The following TANC2 variants were observed in gnomAD, a reference collection of about 807,000 sequenced individuals.
TANC2 encodes the protein tetratricopeptide repeat, ankyrin repeat and coiled-coil containing 2, also known as protein TANC2.
Under a neutral mutation model 210.5 loss-of-function variants are expected in TANC2, and 26 were observed. That is an observed-to-expected ratio of 0.12 (90% confidence interval 0.09 to 0.17). The LOEUF is 0.17. Ranked by LOEUF, TANC2 falls within the 10% of genes least tolerant of loss-of-function variation. The probability of loss-of-function intolerance (pLI) is 1.00; values close to 1 mark genes in which losing one functional copy is unlikely to be tolerated. For synonymous variants in TANC2, 931 were observed against 967.1 expected (o/e 0.96, Z 0.69); for missense variants, 2,129 against 2,608.9 (o/e 0.82, Z 4.01).
chr17:63,193,784 C>T lies in TANC2; in HGVS notation c.434-207C>T, dbSNP rs1434321533. ...TTTATAATCATTTTGAGTTCCCTGG[C>T]TCATTTTTATTTGATTCGTGTAAAT... On this transcript the variant is annotated intron_variant, in intron 5 of 27. Coordinates refer to ENST00000689528, the Ensembl canonical transcript of TANC2. 3 of 485,758 alleles carry T rather than the reference C, an allele frequency of 6.2e-6. No individual in the cohort carries two copies. The East Asian group carries it at 1.1e-4, about 18-fold the overall frequency. The allele number at this position is 485,758 out of a possible 1,614,324, so 30.1% of individuals were successfully genotyped here.
intron 4 of TANC2, among the ~76,000 whole-genome samples, chr17:63,114,293 T>C (rs530573705): frequency 1.3e-5 from 2 of 152,294 alleles, no homozygotes; most frequent in Admixed American, 1.3e-4. Context: ...TTACATATCA[T>C]TCACGACATT....
Position 63,421,046 on chromosome 17 carries a change from G to C in TANC2, c.5316G>C (p.Gln1772His). ...GCCTGAGTGCAGGCGCCATCTGTCAGCATGGAGGATTGACCAAAGAGGATC... is the reference window on the plus strand; with the variant it reads ...GCCTGAGTGCAGGCGCCATCTGTCACCATGGAGGATTGACCAAAGAGGATC... The change falls in exon 28 of 28, where the codon CAG becomes CAC. Residue 1772 changes from glutamine (Q) to histidine (H), a missense_variant. Around this residue, in one of 5 missense-constraint regions of TANC2, gnomAD observed 584 missense variants for 627.3 expected, o/e 0.93. Transcript: ENST00000689528. This position sits in a 1 kb window ranked among gnomAD's most constrained non-coding sequence, Gnocchi z 6.9. 6.2e-7 allele frequency: 1 copy of C among 1,614,018 alleles called. No homozygotes were observed. Among genetic ancestry groups the C allele is most frequent in the Non-Finnish European group, 8.5e-7 (1 of 1,179,882 alleles).
rs1568281736 is a variant in TANC2, at chr17:62,966,960, T to C, written c.-24+211T>C. 6.6e-6 allele frequency: 1 copy of C among 152,282 alleles called. No individual in the cohort carries two copies. The highest frequency in any genetic ancestry group is 1.9e-4 in the East Asian group (1 of 5,160). 9.4% of individuals were successfully genotyped at this position (152,282 alleles called of 1,614,324 possible). A position where few individuals can be genotyped will look rare whatever the true frequency, so the allele number is the denominator to read the frequency against. ...GAGGCGTGTGGGGTCGCCACTTGGC[T>C]GTCACCGAAGATGTCATGGAATTTG... is the stretch of plus-strand genomic sequence containing the variant. On this transcript the variant is annotated intron_variant, in intron 1 of 27. Transcript: ENST00000689528. This position sits in a 1 kb window ranked among gnomAD's most constrained non-coding sequence, Gnocchi z 5.1.
rs761109189 is a variant in TANC2 at position 63,421,781 on chromosome 17, C to T, written c.6051C>T (p.Asp2017=). 18 of 1,613,872 alleles carry T rather than the reference C, an allele frequency of 1.1e-5. No homozygotes were observed. The highest frequency in any genetic ancestry group is 1.4e-5 in the Non-Finnish European group (16 of 1,179,890). ...TGCTGGCTAACGGGTCTCGTGGAGA[C>T]CTCTTGGAGCGAGTCAGCCAGGCCT... The change falls in exon 28 of 28, where the codon GAC becomes GAT. Residue 2017 remains aspartate, a synonymous_variant. Coordinates refer to ENST00000689528, the Ensembl canonical transcript of TANC2. This position sits in a 1 kb window ranked among gnomAD's most constrained non-coding sequence, Gnocchi z 6.9.
intron 1 of TANC2, among the ~76,000 whole-genome samples, chr17:63,002,881 T>C (rs769954358): frequency 6.6e-6 from 1 of 152,240 alleles, no homozygotes; most frequent in Non-Finnish European, 1.5e-5. Context: ...TATTCGTCTG[T>C]TGATGGACAC....
At chr17:63,402,621 T>C (rs1256202291) in intron 19 of TANC2, among the ~76,000 whole-genome samples, 1 of 152,198 alleles carries the variant, frequency 6.6e-6, no homozygotes, top group Non-Finnish European at 1.5e-5. Flanking sequence ...TCTGGCTGTT[T>C]CCCCAACTCT....
chr17:63,093,114 AT>A (rs2037264645), intron 3 of TANC2, among the ~76,000 whole-genome samples: 1 of 152,098 alleles, frequency 6.6e-6, no homozygotes, highest in South Asian at 2.1e-4. Flanking sequence ...GTTTTTTAAT[AT>A]GGTTCATCTT....
rs1043983448 is a variant in TANC2, at chr17:63,418,615, C to A, written c.4268+208C>A. ...GGCTGTGGAGGCCACGAATGTTTCA[C>A]TTCGGGAGAAAAACACTTTTTCACT... On this transcript the variant is annotated intron_variant, in intron 27 of 27. Transcript: ENST00000689528. The surrounding 1 kb of genome is among the most constrained non-coding windows in gnomAD (Gnocchi z 4.6). Among the ~76,000 whole-genome samples the A allele has an allele frequency of 6.6e-6, 1 of 152,226 alleles. No homozygotes were observed. Among genetic ancestry groups the A allele is most frequent in the Non-Finnish European group, 1.5e-5 (1 of 68,040 alleles).
chr17:63,268,121 T>C (rs192324692), intron 9 of TANC2, among the ~76,000 whole-genome samples: 156 of 152,310 alleles, frequency 1.0e-3, no homozygotes, highest in East Asian at 7.1e-3. Context: ...CTCGAAATTC[T>C]GAAAGAAAAC....
chr17:63,398,973 T>C (rs1341015257), intron 19 of TANC2, 59 bp downstream of exon 19: 3 of 1,271,952 alleles, frequency 2.4e-6, no homozygotes, highest in Non-Finnish European at 3.3e-6. Context: ...CTCTCGAATC[T>C]CACCCCCTTA....
rs538205383 is a variant in TANC2, at chr17:63,423,608, GGTAAGTAA to G, written c.*1668_*1675del. The stretch of plus-strand genomic sequence containing the variant: ...TGGCTGCGACCAGTCCCATGTGTCT[GGTAAGTAA>G]GTAAGTAAGTAAGTGCCCTTTGAAG... On this transcript the variant is annotated 3_prime_UTR_variant, in exon 28 of 28. Transcript: ENST00000689528. The G allele has an allele frequency of 3.9e-5, 6 of 152,276 alleles. No homozygotes were observed. The South Asian group carries it at 8.3e-4, about 21-fold the overall frequency. The allele number at this position is 152,276 out of a possible 1,614,324, so 9.4% of individuals were successfully genotyped here.
chr17:63,249,825 T>C (rs560566733), intron 8 of TANC2, among the ~76,000 whole-genome samples: 6 of 152,262 alleles, frequency 3.9e-5, no homozygotes, highest in Admixed American at 2.6e-4. Flanking sequence ...TCATTCCAGG[T>C]TCCTTGCTCA....
At chr17:63,255,622 A>G (rs1469224312) in intron 8 of TANC2, among the ~76,000 whole-genome samples, 1 of 152,126 alleles carries the variant, frequency 6.6e-6, no homozygotes, top group African/African-American at 2.4e-5. Flanking sequence ...AGTAGTCTCT[A>G]ATGATCCTTT....
At chr17:63,395,979 C>T in intron 18 of TANC2, 51 bp downstream of exon 18, 2 of 1,491,000 alleles carry the variant, frequency 1.3e-6, no homozygotes, top group Non-Finnish European at 1.8e-6. Context: ...TTGAAGGACC[C>T]AGGAAACCAG....
In TANC2 at chr17:63,364,812, G is replaced by A. The variant is rs181338922; in HGVS notation, c.2582+9422G>A. ...TAAAAAAAAAAAAAATTACAGAACA[G>A]CCAACTAATGAAAACACAGAGGAGA... is the stretch of plus-strand genomic sequence containing the variant. On this transcript the variant is annotated intron_variant, in intron 14 of 27. Transcript: ENST00000689528. Among the ~76,000 whole-genome samples the A allele has an allele frequency of 3.3e-5, 5 of 151,982 alleles. No homozygotes were observed. In the East Asian group the frequency reaches 9.7e-4, roughly 29 times the overall value.
intron 15 of TANC2, among the ~76,000 whole-genome samples, chr17:63,381,875 G>A (rs545259516): frequency 2.0e-5 from 3 of 152,254 alleles, no homozygotes; most frequent in African/African-American, 4.8e-5. Flanking sequence ...ATTTATTGCC[G>A]ACAAAAAGAT....
intron 7 of TANC2, among the ~76,000 whole-genome samples, chr17:63,228,812 A>G (rs540287033): frequency 6.6e-4 from 101 of 152,348 alleles, no homozygotes; most frequent in African/African-American, 2.4e-3. Context: ...GTTGTTTATC[A>G]GCTTAAGAAG....
intron 2 of TANC2, among the ~76,000 whole-genome samples, chr17:63,058,735 T>C (rs2035893816): frequency 1.3e-5 from 2 of 152,212 alleles, no homozygotes; most frequent in African/African-American, 4.8e-5. Flanking sequence ...TGGTTGTAGA[T>C]GTGTGGCCTT....
At chr17:63,415,633 T>C in exon 26 of TANC2, 1 of 1,613,630 alleles carries the variant, frequency 6.2e-7, no homozygotes, top group Non-Finnish European at 8.5e-7. Context: ...ACTAAAGGTG[T>C]CTCTCCTCCT....
Sources: allele counts gnomAD v4.1 joint callset (sites outside exome capture counted in the v4.1 genomes callset), GRCh38; gene constraint gnomAD v4.1.1; regional missense constraint gnomAD v4.1.1; non-coding constraint Gnocchi (gnomAD v3.1); transcripts MANE v1.5; gene names NCBI Gene and HGNC (gene_info 2026-07-23, HGNC 2026-07-21).